The following CSMD1 variants were observed in gnomAD, a reference collection of about 807,000 sequenced individuals.
CSMD1 encodes the protein CUB and Sushi multiple domains 1, also known as CUB and sushi domain-containing protein 1.
Under a neutral mutation model 417.5 loss-of-function variants are expected in CSMD1, and 213 were observed. The observed-to-expected ratio is 0.51, with a 90% CI of 0.46 to 0.57. The LOEUF is 0.57. Ranked by LOEUF, CSMD1 falls within the 20% of genes least tolerant of loss-of-function variation. The pLI, the probability that CSMD1 is intolerant of heterozygous loss-of-function variation, is 0.00. For synonymous variants in CSMD1, 2,862 were observed against 1,736.8 expected, an observed-to-expected ratio of 1.65 and a Z score of -16.11; for missense variants, 6,923 against 4,529.7, an observed-to-expected ratio of 1.53 and a Z score of -15.17.
intron 2 of CSMD1, among the ~76,000 whole-genome samples, chr8:4,478,463 AAT>A (rs1800920361): frequency 1.3e-5 from 2 of 152,188 alleles, no homozygotes; most frequent in African/African-American, 2.4e-5. Context: ...AAATTGAATC[AAT>A]AGTTTCTTCA....
rs915273044 is a variant in CSMD1, at chr8:3,723,269, C to T, written c.932-14778G>A. Among the ~76,000 whole-genome samples, 7 of 152,238 alleles carry T rather than the reference C, an allele frequency of 4.6e-5. No homozygotes were observed. In the East Asian group the frequency reaches 5.8e-4, roughly 13 times the overall value. ...CAATGCAACGGGGACTGTCCCAATT[C>T]GAATCCTCCTCACACTCAAAACCTC... On this transcript the variant is annotated intron_variant, in intron 6 of 69. Transcript: ENST00000635120.
chr8:4,936,134 C>T (rs1807605975), intron 1 of CSMD1, among the ~76,000 whole-genome samples: 1 of 152,160 alleles, frequency 6.6e-6, no homozygotes, highest in South Asian at 2.1e-4. Flanking sequence ...TGTCCTGTTC[C>T]ACATAATCTT....
At chr8:4,787,194 G>C (rs1314709711) in intron 1 of CSMD1, 3 of 443,744 alleles carry the variant, frequency 6.8e-6, no homozygotes, top group African/African-American at 6.0e-5. Context: ...AGTGGCGCAG[G>C]GTCGCGGGGC....
At position 4,882,998 on chromosome 8, in the gene CSMD1, G is replaced by A. The variant is rs149821977; in HGVS notation, c.85+111334C>T. 2.4e-3 allele frequency among the ~76,000 whole-genome samples: 370 copies of A among 152,128 alleles called. 5 individuals carry two copies. The highest frequency in any genetic ancestry group is 8.3e-3 in the African/African-American group (346 of 41,468). On this transcript the variant is annotated intron_variant, in intron 1 of 69. Transcript: ENST00000635120. ...AACTGCCAAGACAGAAGAGAAAATT[G>A]ACAATTAGCTGAGAGCTCCTTTCCA... is the stretch of plus-strand genomic sequence containing the variant.
chr8:4,059,027 A>G (rs1246506541), intron 3 of CSMD1, among the ~76,000 whole-genome samples: 5 of 152,056 alleles, frequency 3.3e-5, no homozygotes, highest in Non-Finnish European at 7.3e-5. Context: ...TCCAAAATTG[A>G]CCATACAGTT....
chr8:3,327,147 CT>C (rs34203580), intron 23 of CSMD1, among the ~76,000 whole-genome samples: 77,393 of 147,974 alleles, frequency 0.52, 20,530 homozygotes, highest in African/African-American at 0.66. Context: ...ACAATACCAT[CT>C]TTTTTTTTTT....
At chr8:3,870,329 T>G (rs530247908) in intron 5 of CSMD1, among the ~76,000 whole-genome samples, 2 of 152,228 alleles carry the variant, frequency 1.3e-5, no homozygotes, top group Non-Finnish European at 2.9e-5. Context: ...TTATTTTTAC[T>G]ATGATGATTT....
At chr8:3,564,654 G>C (rs1242330010) in intron 10 of CSMD1, among the ~76,000 whole-genome samples, 1 of 151,250 alleles carries the variant, frequency 6.6e-6, no homozygotes, top group Non-Finnish European at 1.5e-5. Flanking sequence ...AGTTCTGAAA[G>C]TTAAGAACTG....
At chr8:4,946,506 C>A (rs1392971813) in intron 1 of CSMD1, among the ~76,000 whole-genome samples, 2 of 152,184 alleles carry the variant, frequency 1.3e-5, no homozygotes, top group South Asian at 2.1e-4. Flanking sequence ...AATATGACAG[C>A]CATCCCCCCA....
chr8:4,904,731 A>C (rs548514687), intron 1 of CSMD1, among the ~76,000 whole-genome samples: 1 of 152,344 alleles, frequency 6.6e-6, no homozygotes, highest in African/African-American at 2.4e-5. Context: ...TGTGATCTTA[A>C]AGCAAAATTA....
chr8:4,522,951 A>G (rs937348914), intron 2 of CSMD1, among the ~76,000 whole-genome samples: 5 of 152,202 alleles, frequency 3.3e-5, no homozygotes, highest in Non-Finnish European at 5.9e-5. Context: ...CTAGGGAAGA[A>G]CCTGGAAATG....
At chr8:3,826,894 C>T (rs1005875026) in intron 5 of CSMD1, among the ~76,000 whole-genome samples, 4 of 152,090 alleles carry the variant, frequency 2.6e-5, no homozygotes, top group African/African-American at 9.7e-5. Context: ...TCAACCCATT[C>T]TCCCACCTCA....
Position 3,223,779 on chromosome 8 carries a change from G to C in CSMD1, c.4434C>G (p.Asp1478Glu). 1.2e-6 allele frequency: 2 copies of C among 1,613,896 alleles called. No homozygotes were observed. The highest frequency in any genetic ancestry group is 1.1e-5 in the South Asian group (1 of 91,084). Reference protein sequence around the residue: ...PQPYPPGKECDWRVKVNPDFV... With the variant: ...PQPYPPGKECEWRVKVNPDFV... ...AGTCCGGGTTCACTTTTACTCTCCA[G>C]TCACATTCCTTCCCAGGAGGATACG... is the stretch of plus-strand genomic sequence containing the variant. Residue 1478 changes from aspartate (D) to glutamate (E), a missense_variant, in exon 28 of 70, where the codon GAC (aspartate) becomes GAG (glutamate). By Grantham distance (45) the Asp-to-Glu change is conservative. Coordinates refer to ENST00000635120, the MANE Select transcript of CSMD1 (RefSeq NM_033225.6).
intron 8 of CSMD1, among the ~76,000 whole-genome samples, chr8:3,593,319 C>T (rs1013630397): frequency 3.3e-5 from 5 of 152,214 alleles, no homozygotes; most frequent in South Asian, 2.1e-4. Flanking sequence ...CATGGAGAAG[C>T]CCCTGTGTCT....
At chr8:3,495,729 G>T (rs1337546082) in intron 10 of CSMD1, among the ~76,000 whole-genome samples, 2 of 152,148 alleles carry the variant, frequency 1.3e-5, no homozygotes, top group African/African-American at 2.4e-5. Flanking sequence ...AACCAGAGAT[G>T]CAAATGAAAA....
chr8:3,817,168 G>C (rs374897580), intron 5 of CSMD1, among the ~76,000 whole-genome samples: 4 of 144,288 alleles, frequency 2.8e-5, no homozygotes, highest in African/African-American at 1.0e-4. Context: ...AGAAAGAGAC[G>C]ACCCCTCCCC....
At chr8:3,285,837 T>TA (rs541512013) in intron 25 of CSMD1, among the ~76,000 whole-genome samples, 430 of 151,090 alleles carry the variant, frequency 2.8e-3, no homozygotes, top group African/African-American at 0.01. Context: ...ATATATATAT[T>TA]TTATTATTAT....
At chr8:3,922,434 T>C (rs923409997) in intron 5 of CSMD1, among the ~76,000 whole-genome samples, 2 of 152,118 alleles carry the variant, frequency 1.3e-5, no homozygotes, top group Non-Finnish European at 2.9e-5. Context: ...CTTGGACTGT[T>C]TCATCATTAA....
intron 3 of CSMD1, among the ~76,000 whole-genome samples, chr8:4,035,141 C>T (rs1350017210): frequency 2.6e-5 from 4 of 151,852 alleles, no homozygotes; most frequent in Non-Finnish European, 4.4e-5. Flanking sequence ...GACTCATATA[C>T]AACATCGGTC....
Sources: allele counts gnomAD v4.1 joint callset (sites outside exome capture counted in the v4.1 genomes callset), GRCh38; gene constraint gnomAD v4.1.1; transcripts MANE v1.5; gene names NCBI Gene and HGNC (gene_info 2026-07-23, HGNC 2026-07-21).